Variants in SH3BGRL observed in about 807,000 individuals in gnomAD.
The protein encoded by SH3BGRL is SH3 domain binding glutamate rich protein like, also known as adapter SH3BGRL.
A neutral mutation model predicts 9.8 loss-of-function variants in SH3BGRL; 7 were observed. That is an observed-to-expected ratio of 0.72 (90% CI 0.41 to 1.35). The LOEUF (loss-of-function observed/expected upper bound fraction) is 1.35, where lower values mean the gene tolerates loss of function less well. Ranked by LOEUF, SH3BGRL falls within the 40% of genes most tolerant of loss-of-function variation. SH3BGRL has a pLI of 0.01. For synonymous variants in SH3BGRL, 36 were observed against 29.1 expected, an observed-to-expected ratio of 1.24 and a Z score of -0.76; for missense variants, 73 against 84.4, an observed-to-expected ratio of 0.86 and a Z score of 0.53.
At chrX:81,211,450 G>A (rs995478108) in intron 1 of SH3BGRL, among the ~76,000 whole-genome samples, 7 of 111,301 alleles carry the variant, frequency 6.3e-5, no homozygotes, top group Non-Finnish European at 1.3e-4. Context: ...AGCCGGGCGT[G>A]GTGGCGGGCG....
rs1298191781 is a variant in SH3BGRL, at chrX:81,278,419, A to G, written c.312+8A>G. On this transcript the variant is annotated splice_region_variant and intron_variant, in intron 3 of 3. Coordinates refer to ENST00000373212, the MANE Select transcript of SH3BGRL (RefSeq NM_003022.3). ...GCCCCACCTGGTTCAAAGGTATGAT[A>G]CCCTTTTTTTCCTGTTTTATAGGTC... 1 of 1,108,646 alleles carries G rather than the reference A, an allele frequency of 9.0e-7. No homozygotes were observed. Among genetic ancestry groups the G allele is most frequent in the Non-Finnish European group, 1.2e-6 (1 of 815,130 alleles). 91.4% of individuals were successfully genotyped at this position (1,108,646 alleles called of 1,213,427 possible).
intron 1 of SH3BGRL, among the ~76,000 whole-genome samples, chrX:81,264,194 G>A (rs999383824): frequency 2.7e-5 from 3 of 111,025 alleles, no homozygotes; most frequent in African/African-American, 9.8e-5. Flanking sequence ...GAAGGAACTC[G>A]CTCATATGTC....
chrX:81,293,499 A>T (rs2075864593), intron 3 of SH3BGRL, among the ~76,000 whole-genome samples: 1 of 111,736 alleles, frequency 8.9e-6, no homozygotes, highest in Non-Finnish European at 1.9e-5. Context: ...CCTGGCCAAC[A>T]TGCTGAAACC....
chrX:81,231,133 T>C (rs1303789138), intron 1 of SH3BGRL, among the ~76,000 whole-genome samples: 3 of 112,115 alleles, frequency 2.7e-5, no homozygotes, highest in South Asian at 3.7e-4. Flanking sequence ...TAGAAATAGA[T>C]TTAAATATTA....
At chrX:81,220,632 CTTAT>C (rs1483792041) in intron 1 of SH3BGRL, among the ~76,000 whole-genome samples, 1 of 107,779 alleles carries the variant, frequency 9.3e-6, no homozygotes, top group African/African-American at 3.4e-5. Flanking sequence ...TTGATCTGCC[CTTAT>C]TTATTTATTT....
chrX:81,213,735 ACTT>A, intron 1 of SH3BGRL, among the ~76,000 whole-genome samples: 1 of 112,218 alleles, frequency 8.9e-6, no homozygotes, highest in Non-Finnish European at 1.9e-5. Flanking sequence ...TACCTCTTTC[ACTT>A]CTTATTACAC....
chrX:81,205,187 T>A (rs929027102), intron 1 of SH3BGRL, among the ~76,000 whole-genome samples: 1 of 111,287 alleles, frequency 9.0e-6, no homozygotes, highest in Non-Finnish European at 1.9e-5. Flanking sequence ...TCTAACTGTA[T>A]TTGTGTACTC....
chrX:81,277,968 C>G (rs1185187985), intron 2 of SH3BGRL, among the ~76,000 whole-genome samples: 3 of 111,826 alleles, frequency 2.7e-5, no homozygotes, highest in African/African-American at 9.7e-5. Flanking sequence ...GAATAAATCT[C>G]CTTTTTTTCT....
Position 81,202,355 on chromosome X carries a change from C to T in SH3BGRL, c.45+110C>T, listed in dbSNP as rs777663621. 5.1e-6 allele frequency: 5 copies of T among 986,464 alleles called. No individual in the cohort carries two copies. The African/African-American group carries it at 8.1e-5, about 16-fold the overall frequency. 81.3% of individuals were successfully genotyped at this position (986,464 alleles called of 1,213,427 possible). A position where few individuals can be genotyped will look rare whatever the true frequency, so the allele number is the denominator to read the frequency against. On this transcript the variant is annotated intron_variant, in intron 1 of 3. Transcript: ENST00000373212. ...CTCTGGCAGCTTCTCCTTTGGAAGACTCATGCATCCCCGATCCCACCCTTC... is the reference window on the plus strand; with the variant it reads ...CTCTGGCAGCTTCTCCTTTGGAAGATTCATGCATCCCCGATCCCACCCTTC...
At chrX:81,272,367 T>C (rs914701431) in intron 1 of SH3BGRL, among the ~76,000 whole-genome samples, 1 of 111,452 alleles carries the variant, frequency 9.0e-6, no homozygotes, top group Non-Finnish European at 1.9e-5. Flanking sequence ...TTTAGATGTA[T>C]TTTGTAAGTA....
intron 1 of SH3BGRL, among the ~76,000 whole-genome samples, chrX:81,260,294 CTG>C (rs748461603): frequency 7.2e-5 from 8 of 110,945 alleles, no homozygotes; most frequent in Admixed American, 1.9e-4. Flanking sequence ...GCATGGGTAA[CTG>C]TGTAACTTGG....
intron 1 of SH3BGRL, among the ~76,000 whole-genome samples, chrX:81,223,467 A>G (rs1255901482): frequency 9.0e-6 from 1 of 111,246 alleles, no homozygotes; most frequent in African/African-American, 3.3e-5. Context: ...TAAAATACTC[A>G]ACTCTGTAGA....
At chrX:81,274,521 G>A (rs1212223354) in intron 1 of SH3BGRL, among the ~76,000 whole-genome samples, 1 of 109,951 alleles carries the variant, frequency 9.1e-6, no homozygotes, top group African/African-American at 3.3e-5. Flanking sequence ...TGAGGCAGAA[G>A]AAATCACTTG....
chrX:81,276,931 C>CA, intron 1 of SH3BGRL, 53 bp from the exon 2 acceptor site: 1 of 1,058,333 alleles, frequency 9.4e-7, no homozygotes, highest in East Asian at 3.1e-5. Context: ...AGCTCACAAA[C>CA]ATTTGACTTT....
intron 3 of SH3BGRL, among the ~76,000 whole-genome samples, chrX:81,293,744 G>A (rs1253922435): frequency 8.9e-6 from 1 of 111,874 alleles, no homozygotes; most frequent in Non-Finnish European, 1.9e-5. Flanking sequence ...CAGTTTGGAG[G>A]GCTCAGAAGA....
chrX:81,297,371 T>C lies in SH3BGRL; in HGVS notation c.*144T>C. Reference sequence around the variant, plus strand: ...GGTTTTCACATGCAAACATTCAAAATGAATACAAAATTAAAATTTGAACAT... The same window carrying C: ...GGTTTTCACATGCAAACATTCAAAACGAATACAAAATTAAAATTTGAACAT... On this transcript the variant is annotated 3_prime_UTR_variant, in exon 4 of 4. Coordinates refer to ENST00000373212, the MANE Select transcript of SH3BGRL (RefSeq NM_003022.3). 1 of 461,490 alleles carries C rather than the reference T, an allele frequency of 2.2e-6. No homozygotes were observed. Among genetic ancestry groups the C allele is most frequent in the Non-Finnish European group, 3.7e-6 (1 of 271,893 alleles). 38.0% of individuals were successfully genotyped at this position (461,490 alleles called of 1,213,427 possible).
At position 81,275,128 on chromosome X, in the gene SH3BGRL, G is replaced by A. The variant is rs143348431; in HGVS notation, c.46-1856G>A. On this transcript the variant is annotated intron_variant, in intron 1 of 3. Coordinates refer to ENST00000373212, the MANE Select transcript of SH3BGRL (RefSeq NM_003022.3). ...TCTCGACAAAGTAAGCATTCAATAA[G>A]GTAGGAAAAGCCTCAAAAAATAATT... is the stretch of plus-strand genomic sequence containing the variant. Among the ~76,000 whole-genome samples the A allele has an allele frequency of 7.9e-3, 881 of 111,426 alleles. 9 individuals carry two copies. Among genetic ancestry groups the A allele is most frequent in the Non-Finnish European group, 5.5e-3 (290 of 53,112 alleles).
intron 1 of SH3BGRL, among the ~76,000 whole-genome samples, chrX:81,252,290 G>C: frequency 9.0e-6 from 1 of 111,668 alleles, no homozygotes; most frequent in Non-Finnish European, 1.9e-5. Flanking sequence ...ATACCCGTTT[G>C]CTGTCAGTTA....
chrX:81,233,368 C>T (rs772524991), intron 1 of SH3BGRL, among the ~76,000 whole-genome samples: 4 of 111,543 alleles, frequency 3.6e-5, no homozygotes, highest in Admixed American at 1.9e-4. Flanking sequence ...TTCTTCATCC[C>T]GACAGAGATC....
Sources: allele counts gnomAD v4.1 joint callset (sites outside exome capture counted in the v4.1 genomes callset), GRCh38; gene constraint gnomAD v4.1.1; transcripts MANE v1.5; gene names NCBI Gene and HGNC (gene_info 2026-07-23, HGNC 2026-07-21).